Variants in COL4A4 observed in about 807,000 individuals in gnomAD.
COL4A4 encodes the protein collagen alpha-4(IV) chain.
In COL4A4, 105 loss-of-function variants were observed where a neutral mutation model predicts 192.9. The observed-to-expected ratio is 0.54, with a 90% CI of 0.46 to 0.64. COL4A4 has a LOEUF of 0.64. Ranked by LOEUF, COL4A4 falls within the 30% of genes least tolerant of loss-of-function variation. The pLI is 0.00. For missense variants in COL4A4, 1,967 were observed against 2,169.3 expected (o/e 0.91, Z 1.85); for synonymous variants, 762 against 769.9 (o/e 0.99, Z 0.17).
Position 227,121,107 on chromosome 2 carries a change from G to T in COL4A4, c.234C>A (p.Pro78=). 6.2e-7 allele frequency: 1 copy of T among 1,614,102 alleles called. No homozygotes were observed. Among genetic ancestry groups the T allele is most frequent in the Non-Finnish European group, 8.5e-7 (1 of 1,180,012 alleles). Residue 78 remains proline, a synonymous_variant, in exon 5 of 48, where the codon CCC becomes CCA. Transcript: ENST00000396625. ...GCCCAATGGGTCCTGGGGCTCCCAG[G>T]GGTCCAATTGGACCCTGTGGCCCTG... ...GPPGPQGPIG[P]LGAPGPIGLS...
chr2:227,065,037 G>GCA, intron 25 of COL4A4, among the ~76,000 whole-genome samples: 1 of 152,344 alleles, frequency 6.6e-6, no homozygotes, highest in South Asian at 2.1e-4. Flanking sequence ...CGCGCACCGT[G>GCA]CACGAGCCGA....
At chr2:227,087,821 A>G (rs2059685262) in intron 22 of COL4A4, among the ~76,000 whole-genome samples, 1 of 152,160 alleles carries the variant, frequency 6.6e-6, no homozygotes, top group East Asian at 1.9e-4. Context: ...GACCTCACCC[A>G]TCTGTAAAGC....
intron 6 of COL4A4, 107 bp downstream of exon 6, chr2:227,119,788 T>C (rs1469027249): frequency 2.1e-6 from 1 of 473,794 alleles, no homozygotes; most frequent in Non-Finnish European, 3.6e-6. Context: ...ATATATATTG[T>C]GGTTTCTATA....
At chr2:227,046,938 C>T (rs1430267859) in intron 35 of COL4A4, among the ~76,000 whole-genome samples, 1 of 151,950 alleles carries the variant, frequency 6.6e-6, no homozygotes. Context: ...ACTTAGATTT[C>T]TTGTTGGTGA....
At position 227,025,821 on chromosome 2, in the gene COL4A4, C is replaced by A; in HGVS notation, c.4082-11G>T. The A allele has an allele frequency of 6.2e-7, 1 of 1,612,536 alleles. No individual in the cohort carries two copies. The highest frequency in any genetic ancestry group is 8.5e-7 in the Non-Finnish European group (1 of 1,179,214). On this transcript the variant is annotated splice_polypyrimidine_tract_variant and intron_variant, in intron 42 of 47. Coordinates refer to ENST00000396625, the MANE Select transcript of COL4A4 (RefSeq NM_000092.5). ...GCTTACCTCTGGGACCTAGAGGGAT[C>A]CAAAGACAACAAACGAGGCCAGTCC... is the stretch of plus-strand genomic sequence containing the variant.
intron 45 of COL4A4, among the ~76,000 whole-genome samples, chr2:227,010,936 G>A (rs1465598645): frequency 6.6e-6 from 1 of 152,124 alleles, no homozygotes; most frequent in East Asian, 1.9e-4. Flanking sequence ...CCCCAAAGTC[G>A]GTCTTTCTTA....
chr2:227,066,979 G>A (rs959475252), intron 25 of COL4A4, among the ~76,000 whole-genome samples: 11 of 147,216 alleles, frequency 7.5e-5, no homozygotes, highest in African/African-American at 2.0e-4. Context: ...CCCATCTCAC[G>A]TGCAGAGACA....
chr2:227,091,159 C>G (rs1406073453), intron 20 of COL4A4, among the ~76,000 whole-genome samples: 1 of 151,640 alleles, frequency 6.6e-6, no homozygotes, highest in Non-Finnish European at 1.5e-5. Flanking sequence ...ACAATTAAAA[C>G]AGAAGATGAG....
intron 26 of COL4A4, among the ~76,000 whole-genome samples, chr2:227,061,021 C>A (rs890215807): frequency 2.0e-5 from 3 of 152,186 alleles, no homozygotes; most frequent in South Asian, 4.1e-4. Context: ...CCACCGCACC[C>A]GGCCTAGAGA....
intron 2 of COL4A4, among the ~76,000 whole-genome samples, chr2:227,146,214 C>G (rs1306883635): frequency 1.3e-5 from 2 of 152,124 alleles, no homozygotes; most frequent in African/African-American, 2.4e-5. Flanking sequence ...GAAGCTCCTT[C>G]ATAGTCCCTT....
At chr2:226,981,590 T>C in the COL4A4 span, among the ~76,000 whole-genome samples, 4 of 144,816 alleles carry the variant, frequency 2.8e-5, no homozygotes, top group African/African-American at 1.2e-4. Flanking sequence ...ACACACACTT[T>C]CTCTAATGGG....
chr2:226,974,225 TTTTTA>T, the COL4A4 span, among the ~76,000 whole-genome samples: 10 of 148,142 alleles, frequency 6.8e-5, no homozygotes, highest in East Asian at 2.0e-4. Flanking sequence ...TGTTGCCCTT[TTTTTA>T]TTTTATTTTA....
At chr2:227,062,473 G>GTTT in intron 26 of COL4A4, 57 bp downstream of exon 26, 1 of 951,620 alleles carries the variant, frequency 1.1e-6, no homozygotes, top group Non-Finnish European at 1.7e-6. Flanking sequence ...TGTCTGGCTG[G>GTTT]TTTTTTTTTT....
chr2:227,009,583 A>G (rs982163198), intron 46 of COL4A4, among the ~76,000 whole-genome samples: 1 of 152,108 alleles, frequency 6.6e-6, no homozygotes. Flanking sequence ...CTGTAGTCTC[A>G]GCTACTCAGG....
At chr2:227,077,454 A>G (rs2059087283) in intron 25 of COL4A4, among the ~76,000 whole-genome samples, 1 of 152,164 alleles carries the variant, frequency 6.6e-6, no homozygotes, top group Non-Finnish European at 1.5e-5. Context: ...GAACACATGG[A>G]CACAGGGAGG....
At chr2:227,002,191 A>G (rs76238030), downstream of COL4A4, among the ~76,000 whole-genome samples, 1 of 140,464 alleles carries the variant, frequency 7.1e-6, no homozygotes, top group South Asian at 2.3e-4. Flanking sequence ...AAAAAAAAAA[A>G]GGCCACAAAG....
intron 1 of COL4A4, among the ~76,000 whole-genome samples, chr2:227,153,940 G>C (rs2064139913): frequency 6.6e-6 from 1 of 152,146 alleles, no homozygotes; most frequent in African/African-American, 2.4e-5. Context: ...CTGCAGCCCA[G>C]TTGGACAGAA....
In COL4A4 at chr2:227,030,514, C is replaced by A. The variant is rs780906076; in HGVS notation, c.3902G>T (p.Gly1301Val). 4 of 1,614,102 alleles carry A rather than the reference C, an allele frequency of 2.5e-6. No homozygotes were observed. Among genetic ancestry groups the A allele is most frequent in the Non-Finnish European group, 3.4e-6 (4 of 1,179,980 alleles). The change falls in exon 41 of 48, where the codon GGT becomes GTT. Residue 1301 changes from glycine to valine, a missense_variant. Coordinates refer to ENST00000396625, the MANE Select transcript of COL4A4 (RefSeq NM_000092.5). ...PGDCGLPGPP[G>V]PPGPPGPPGY... The stretch of plus-strand genomic sequence containing the variant: ...TGGAGGGCCTGGTGGGCCAGGGGGA[C>A]CTGGTGGCCCTGGTAGACCACAGTC...
chr2:227,061,097 T>C (rs759538162), intron 26 of COL4A4, among the ~76,000 whole-genome samples: 77 of 152,320 alleles, frequency 5.1e-4, no homozygotes, highest in Non-Finnish European at 8.8e-4. Context: ...TTATAAATCA[T>C]AAACTTCAAT....
Sources: gnomAD v4.1 joint callset for allele counts (sites outside exome capture counted in the v4.1 genomes callset) on GRCh38, gnomAD v4.1.1 for gene constraint, MANE v1.5 for transcripts, NCBI Gene and HGNC (gene_info 2026-07-23, HGNC 2026-07-21) for gene names.